GRIA2: variants seen among roughly 807,000 people sequenced by gnomAD.
GRIA2 encodes glutamate ionotropic receptor AMPA type subunit 2.
GRIA2 carries 14 observed loss-of-function variants against 97.3 expected under a neutral mutation model. The ratio of observed to expected loss-of-function variants is 0.14; its 90% CI spans 0.10 to 0.23. GRIA2 has a LOEUF of 0.23. Ranked by LOEUF, GRIA2 falls within the 10% of genes least tolerant of loss-of-function variation. The pLI, the probability that GRIA2 is intolerant of heterozygous loss-of-function variation, is 1.00. For missense variants in GRIA2, 558 were observed against 1,069.8 expected (o/e 0.52, Z 6.67); for synonymous variants, 412 against 387.8 (o/e 1.06, Z -0.73).
rs1227637623 is a variant in GRIA2 at position 157,227,327 on chromosome 4, AT to A, written c.229+5521del. Among the ~76,000 whole-genome samples, 3 of 152,294 alleles carry A rather than the reference AT, an allele frequency of 2.0e-5. No individual in the cohort carries two copies. The East Asian group carries it at 5.8e-4, about 29-fold the overall frequency. On this transcript the variant is annotated intron_variant, in intron 2 of 15. Coordinates refer to ENST00000264426, the MANE Select transcript of GRIA2 (RefSeq NM_001083619.3). ...TCAAGTTTTCTCATAATCTCTTCCA[AT>A]AACACTTAGCAAACTTTCAAACTTC...
chr4:157,360,866 A>G (rs777140074), intron 13 of GRIA2, 144 bp from the exon 14 acceptor site: 2 of 689,038 alleles, frequency 2.9e-6, no homozygotes, highest in Admixed American at 4.8e-5. Flanking sequence ...GCTCATAGTA[A>G]CATATTATTG....
chr4:157,329,670 G>A (rs191659232), intron 6 of GRIA2, among the ~76,000 whole-genome samples: 61 of 151,962 alleles, frequency 4.0e-4, no homozygotes, highest in African/African-American at 1.4e-3. Flanking sequence ...AAGATAGATA[G>A]TAACAAAAGA....
At chr4:157,221,291 C>G (rs541460181) in intron 1 of GRIA2, 161 bp downstream of exon 1, 37 of 606,302 alleles carry the variant, frequency 6.1e-5, no homozygotes, top group Non-Finnish European at 1.1e-4. Flanking sequence ...TAGGATGAAG[C>G]AAAAGGAAAA....
intron 2 of GRIA2, among the ~76,000 whole-genome samples, chr4:157,278,094 AT>A (rs1047257543): frequency 9.9e-5 from 15 of 151,538 alleles, no homozygotes; most frequent in African/African-American, 3.6e-4. Flanking sequence ...TCAGCCAGTT[AT>A]TGTGTAGGTA....
rs1736793047 is a variant in GRIA2, at chr4:157,364,479, A to ATG, written c.*1049_*1050insGT. 1 of 151,650 alleles carries ATG rather than the reference A, an allele frequency of 6.6e-6. No homozygotes were observed. Among genetic ancestry groups the ATG allele is most frequent in the Non-Finnish European group, 1.5e-5 (1 of 67,804 alleles). The allele number at this position is 151,650 out of a possible 1,614,324, so 9.4% of individuals were successfully genotyped here. Reference sequence around the variant, plus strand: ...TTTTGACATGTCTAAATATATATATATATAAAGAAATATTTGTTAACACAA... The same window carrying ATG: ...TTTTGACATGTCTAAATATATATATATGTATAAAGAAATATTTGTTAACACAA... On this transcript the variant is annotated 3_prime_UTR_variant, in exon 16 of 16. Transcript: ENST00000264426.
At chr4:157,282,798 C>T (rs1282546345) in intron 2 of GRIA2, among the ~76,000 whole-genome samples, 1 of 151,992 alleles carries the variant, frequency 6.6e-6, no homozygotes, top group Non-Finnish European at 1.5e-5. Context: ...CTATTTCTGG[C>T]AATGTTTACC....
At chr4:157,244,922 C>G (rs1233310321) in intron 2 of GRIA2, among the ~76,000 whole-genome samples, 1 of 151,936 alleles carries the variant, frequency 6.6e-6, no homozygotes, top group East Asian at 1.9e-4. Flanking sequence ...CTCTGAAAGT[C>G]AGGGTGGAGA....
chr4:157,296,524 T>G (rs2126848975), intron 2 of GRIA2, among the ~76,000 whole-genome samples: 1 of 152,292 alleles, frequency 6.6e-6, no homozygotes, highest in African/African-American at 2.4e-5. Flanking sequence ...TAATAATTTA[T>G]AATTTTTTCC....
chr4:157,267,285 A>G (rs6536226), intron 2 of GRIA2, among the ~76,000 whole-genome samples: 151,322 of 151,332 alleles, frequency 1, 75,656 homozygotes, highest in Middle Eastern at 1. Flanking sequence ...TTAACCAGGC[A>G]TAGTGGTGCA....
intron 2 of GRIA2, among the ~76,000 whole-genome samples, chr4:157,269,238 G>C (rs1326423210): frequency 1.3e-5 from 2 of 151,862 alleles, no homozygotes; most frequent in African/African-American, 4.8e-5. Flanking sequence ...AACCAAGAAA[G>C]GTCAAAATTA....
intron 12 of GRIA2, among the ~76,000 whole-genome samples, chr4:157,355,192 T>A (rs944734737): frequency 2.0e-5 from 3 of 152,168 alleles, no homozygotes; most frequent in Non-Finnish European, 4.4e-5. Flanking sequence ...TTATACTTGC[T>A]TAAAGAATGA....
intron 3 of GRIA2, 98 bp downstream of exon 3, chr4:157,303,889 C>A: frequency 1.6e-6 from 2 of 1,226,224 alleles, no homozygotes; most frequent in Non-Finnish European, 2.3e-6. Flanking sequence ...TGTGATAAAG[C>A]CCAAGGATCC....
At position 157,349,851 on chromosome 4, in the gene GRIA2, G is replaced by A. The variant is rs899189221; in HGVS notation, c.2043+8389G>A. On this transcript the variant is annotated intron_variant, in intron 12 of 15. Transcript: ENST00000264426. The stretch of plus-strand genomic sequence containing the variant: ...GGTTGGATCAAGATGCTGAATTAAA[G>A]TATTTTAAAAGCCAACTCTCACATT... Among the ~76,000 whole-genome samples, 84 of 151,992 alleles carry A rather than the reference G, an allele frequency of 5.5e-4. 2 individuals are homozygous for A. The highest frequency in any genetic ancestry group is 5.5e-3 in the Admixed American group (84 of 15,262).
chr4:157,326,835 G>T (rs1244777387), intron 6 of GRIA2, among the ~76,000 whole-genome samples: 1 of 152,128 alleles, frequency 6.6e-6, no homozygotes, highest in Non-Finnish European at 1.5e-5. Flanking sequence ...AATTTGAAGA[G>T]CAACAGGGAA....
At chr4:157,353,746 A>G (rs992083203) in intron 12 of GRIA2, among the ~76,000 whole-genome samples, 7 of 152,126 alleles carry the variant, frequency 4.6e-5, no homozygotes, top group African/African-American at 1.7e-4. Flanking sequence ...GTCAATAAAT[A>G]CCATTTACAT....
intron 2 of GRIA2, among the ~76,000 whole-genome samples, chr4:157,294,622 A>G (rs1294295792): frequency 1.1e-4 from 16 of 152,188 alleles, no homozygotes; most frequent in Non-Finnish European, 1.5e-5. Context: ...ATTTTCCATG[A>G]GAAAGTATGT....
chr4:157,355,168 T>G (rs1736190686), intron 12 of GRIA2, among the ~76,000 whole-genome samples: 2 of 152,182 alleles, frequency 1.3e-5, no homozygotes, highest in Admixed American at 1.3e-4. Flanking sequence ...CCTGAATTAT[T>G]TCATTTCACT....
intron 3 of GRIA2, among the ~76,000 whole-genome samples, chr4:157,306,149 G>A (rs768485755): frequency 7.9e-5 from 12 of 152,030 alleles, no homozygotes; most frequent in Non-Finnish European, 1.6e-4. Flanking sequence ...ACTGAGGATG[G>A]CATTTTTAGT....
intron 4 of GRIA2, among the ~76,000 whole-genome samples, chr4:157,315,830 G>A (rs1326953214): frequency 1.3e-5 from 2 of 151,996 alleles, no homozygotes; most frequent in East Asian, 1.9e-4. Context: ...TGGACTATGG[G>A]TATTTTATTA....
Sources: gnomAD v4.1 joint callset for allele counts (sites outside exome capture counted in the v4.1 genomes callset) on GRCh38, gnomAD v4.1.1 for gene constraint, MANE v1.5 for transcripts, NCBI Gene and HGNC (gene_info 2026-07-23, HGNC 2026-07-21) for gene names.